Variants in RASSF6 observed in about 807,000 individuals in gnomAD.
RASSF6 encodes Ras association domain family member 6.
RASSF6 carries 52 observed loss-of-function variants against 44.0 expected under a neutral mutation model. That is an observed-to-expected ratio of 1.18 (90% CI 0.95 to 1.49). The LOEUF (loss-of-function observed/expected upper bound fraction) is 1.49. Ranked by LOEUF, RASSF6 falls within the 40% of genes most tolerant of loss-of-function variation. The pLI is 0.00. For synonymous variants in RASSF6, 162 were observed against 124.6 expected (o/e 1.30, Z -2.00); for missense variants, 464 against 393.3 (o/e 1.18, Z -1.52).
At chr4:73,585,430 T>A in intron 5 of RASSF6, 66 bp from the exon 6 acceptor site, 4 of 1,072,832 alleles carry the variant, frequency 3.7e-6, no homozygotes. Flanking sequence ...TGAGTGGATT[T>A]GTGTATGCTT....
intron 2 of RASSF6, among the ~76,000 whole-genome samples, chr4:73,606,590 G>T (rs1262784958): frequency 5.9e-5 from 9 of 151,640 alleles, no homozygotes; most frequent in Non-Finnish European, 8.8e-5. Flanking sequence ...CTTCTCATTT[G>T]TCTGTGGTTT....
intron 8 of RASSF6, among the ~76,000 whole-genome samples, chr4:73,581,135 T>C (rs1723617005): frequency 6.6e-6 from 1 of 152,162 alleles, no homozygotes; most frequent in African/African-American, 2.4e-5. Context: ...ATTATTTTAT[T>C]CTAATAAATT....
chr4:73,591,723 G>A (rs188187093), intron 4 of RASSF6, among the ~76,000 whole-genome samples: 40 of 152,178 alleles, frequency 2.6e-4, no homozygotes, highest in Admixed American at 2.4e-3. Context: ...AGCTTGGATG[G>A]GAGACGAGAT....
chr4:73,608,436 C>T (rs1459868942), intron 2 of RASSF6, among the ~76,000 whole-genome samples: 1 of 152,128 alleles, frequency 6.6e-6, no homozygotes, highest in Non-Finnish European at 1.5e-5. Context: ...AAATGTCCTT[C>T]TTTCACATAT....
intron 4 of RASSF6, among the ~76,000 whole-genome samples, chr4:73,590,911 G>T (rs1724495321): frequency 6.6e-6 from 1 of 152,158 alleles, no homozygotes; most frequent in African/African-American, 2.4e-5. Context: ...AATAAACAAT[G>T]CAAAATGTAA....
chr4:73,593,835 C>A (rs763956990), intron 3 of RASSF6, among the ~76,000 whole-genome samples: 6 of 152,144 alleles, frequency 3.9e-5, no homozygotes, highest in African/African-American at 7.2e-5. Context: ...GGCATGTCCA[C>A]CAGAGGGCAC....
At chr4:73,591,733 T>C (rs1420912408) in intron 4 of RASSF6, among the ~76,000 whole-genome samples, 1 of 151,822 alleles carries the variant, frequency 6.6e-6, no homozygotes, top group African/African-American at 2.4e-5. Context: ...GGAGACGAGA[T>C]AGATAGAGGG....
chr4:73,606,577 T>C (rs1725654366), intron 2 of RASSF6, among the ~76,000 whole-genome samples: 1 of 152,150 alleles, frequency 6.6e-6, no homozygotes, highest in Non-Finnish European at 1.5e-5. Context: ...TATTTGGGTC[T>C]TGCTTCTCAT....
Position 73,593,531 on chromosome 4 carries a change from A to C in RASSF6, c.207T>G (p.Pro69=). ...TCTCATCTTGTATTTTTAGCTGTAT[A>C]GGTCGTTTTACTCCCCAGAAAATGT... ...MLDIFWGVKR[P]IQLKIQDEKP... The change falls in exon 4 of 11, where the codon CCT becomes CCG. Residue 69 remains proline, a synonymous_variant. Coordinates refer to ENST00000307439, the MANE Select transcript of RASSF6 (RefSeq NM_177532.5). The C allele has an allele frequency of 6.2e-7, 1 of 1,613,760 alleles. No homozygotes were observed. Among genetic ancestry groups the C allele is most frequent in the Non-Finnish European group, 8.5e-7 (1 of 1,179,804 alleles).
Position 73,611,704 on chromosome 4 carries a change from A to G in RASSF6, c.65+27T>C, listed in dbSNP as rs373125713. ...TCCACAAATGACTGGTGAGTAGGACAATGTATAATATAAGGTGTGTGGTTA... is the reference window on the plus strand; with the variant it reads ...TCCACAAATGACTGGTGAGTAGGACGATGTATAATATAAGGTGTGTGGTTA... On this transcript the variant is annotated intron_variant, in intron 2 of 10. Coordinates refer to ENST00000307439, the MANE Select transcript of RASSF6 (RefSeq NM_177532.5). The G allele has an allele frequency of 2.8e-6, 4 of 1,427,822 alleles. No individual in the cohort carries two copies. In the African/African-American group the frequency reaches 5.6e-5, roughly 20 times the overall value. 88.4% of individuals were successfully genotyped at this position (1,427,822 alleles called of 1,614,324 possible).
chr4:73,572,266 C>T lies in RASSF6; in HGVS notation c.*3969G>A, dbSNP rs1248078775. The T allele has an allele frequency of 6.6e-6, 1 of 152,028 alleles. No individual in the cohort carries two copies. The allele number at this position is 152,028 out of a possible 1,614,324, so 9.4% of individuals were successfully genotyped here. On this transcript the variant is annotated 3_prime_UTR_variant, in exon 11 of 11. Transcript: ENST00000307439. ...CTGCTCAGGACATGGCAGTTGACTT[C>T]CCCCAGAGCAAGTGGTCCAAGAGAG...
chr4:73,571,970 A>C lies in RASSF6; in HGVS notation c.*4265T>G, dbSNP rs569054630. ...ATGAGCTATACATTGCTATGTAACA[A>C]ATTGCCCCAAATTTAGCGGCGTACT... On this transcript the variant is annotated 3_prime_UTR_variant, in exon 11 of 11. Transcript: ENST00000307439. The C allele has an allele frequency of 2.0e-5, 3 of 152,266 alleles. No individual in the cohort carries two copies. In the East Asian group the frequency reaches 5.8e-4, roughly 29 times the overall value. The allele number at this position is 152,266 out of a possible 1,614,324, so 9.4% of individuals were successfully genotyped here.
At chr4:73,601,719 A>C (rs1485625603) in intron 2 of RASSF6, among the ~76,000 whole-genome samples, 1 of 152,260 alleles carries the variant, frequency 6.6e-6, no homozygotes, top group Non-Finnish European at 1.5e-5. Flanking sequence ...GAAACTTTTG[A>C]AGATGATTAG....
intron 4 of RASSF6, among the ~76,000 whole-genome samples, chr4:73,592,697 G>C (rs1237488531): frequency 6.6e-6 from 1 of 152,164 alleles, no homozygotes; most frequent in African/African-American, 2.4e-5. Flanking sequence ...ACAATCAGAT[G>C]GAACATCATT....
intron 2 of RASSF6, among the ~76,000 whole-genome samples, chr4:73,601,974 G>A (rs559522203): frequency 2.0e-5 from 3 of 152,308 alleles, no homozygotes; most frequent in Non-Finnish European, 4.4e-5. Context: ...GAGCTTTAAG[G>A]AATAGATGTT....
intron 8 of RASSF6, among the ~76,000 whole-genome samples, chr4:73,579,387 T>A (rs562398489): frequency 1.3e-5 from 2 of 152,278 alleles, no homozygotes; most frequent in South Asian, 4.2e-4. Flanking sequence ...AAGAAAGTCA[T>A]ATTTTCACTA....
chr4:73,601,877 A>G (rs943631305), intron 2 of RASSF6, among the ~76,000 whole-genome samples: 6 of 152,232 alleles, frequency 3.9e-5, no homozygotes, highest in African/African-American at 1.4e-4. Context: ...ACATTACACC[A>G]TCCCACAGAA....
At chr4:73,596,745 A>G (rs1724966699) in intron 3 of RASSF6, among the ~76,000 whole-genome samples, 1 of 152,194 alleles carries the variant, frequency 6.6e-6, no homozygotes, top group South Asian at 2.1e-4. Context: ...ACAGTAACCA[A>G]AACAGCATGA....
intron 2 of RASSF6, among the ~76,000 whole-genome samples, chr4:73,604,884 C>CTTTTTTTTTTT (rs35609056): frequency 2.0e-4 from 28 of 138,318 alleles, no homozygotes; most frequent in Non-Finnish European, 2.3e-4. Flanking sequence ...CATTTTCTTT[C>CTTTTTTTTTTT]TTTTTTTTTT....
Sources: allele counts gnomAD v4.1 joint callset (sites outside exome capture counted in the v4.1 genomes callset), GRCh38; gene constraint gnomAD v4.1.1; transcripts MANE v1.5; gene names NCBI Gene and HGNC (gene_info 2026-07-23, HGNC 2026-07-21).